RBFOX1: variants seen among roughly 807,000 people sequenced by gnomAD.
RBFOX1 encodes RNA binding fox-1 homolog 1.
Under a neutral mutation model 57.7 loss-of-function variants are expected in RBFOX1, and 8 were observed. The observed-to-expected ratio is 0.14, with a 90% CI of 0.08 to 0.25. RBFOX1 has a LOEUF of 0.25. RBFOX1 is among the 10% of genes least tolerant of loss of function. The pLI is 1.00. For missense variants in RBFOX1, 611 were observed against 548.5 expected, an observed-to-expected ratio of 1.11 and a Z score of -1.14; for synonymous variants, 326 against 222.4, an observed-to-expected ratio of 1.47 and a Z score of -4.15.
chr16:5,720,966 A>C (rs1042903054), intron 3 of RBFOX1, among the ~76,000 whole-genome samples: 64 of 152,310 alleles, frequency 4.2e-4, no homozygotes, highest in African/African-American at 1.5e-3. Flanking sequence ...TTTCAGCCGA[A>C]ATGGCAAGTG....
At chr16:7,189,218 G>T (rs963776665) in intron 4 of RBFOX1, among the ~76,000 whole-genome samples, 1 of 151,862 alleles carries the variant, frequency 6.6e-6, no homozygotes, top group African/African-American at 2.4e-5. Flanking sequence ...GAGGTCAGGC[G>T]ATCGAGACCA....
chr16:5,376,005 A>G (rs1474160452), intron 1 of RBFOX1, among the ~76,000 whole-genome samples: 2 of 151,720 alleles, frequency 1.3e-5, no homozygotes, highest in Non-Finnish European at 1.5e-5. Flanking sequence ...CATCTCTACT[A>G]AAAAATACAA....
At chr16:7,693,694 G>A (rs1291892569) in intron 14 of RBFOX1, among the ~76,000 whole-genome samples, 2 of 152,132 alleles carry the variant, frequency 1.3e-5, no homozygotes, top group Admixed American at 6.5e-5. Context: ...GGAAGATTAG[G>A]TACACAGACG....
intron 1 of RBFOX1, among the ~76,000 whole-genome samples, chr16:6,296,894 G>A (rs2880917): frequency 0.088 from 13,370 of 152,188 alleles, 782 homozygotes; most frequent in African/African-American, 0.17. Context: ...AGTCTGCAGA[G>A]TAAAGTGAAA....
chr16:5,908,340 GTGTGTGTGTGTGTC>G lies in RBFOX1; in HGVS notation c.351+41015_351+41028del, dbSNP rs374412628. On this transcript the variant is annotated intron_variant, in intron 4 of 19. Coordinates refer to the RBFOX1 transcript ENST00000641259. ...CACACACACATATATATATGTGTGT[GTGTGTGTGTGTGTC>G]TGTGTGTGTTTTTTGTAAGACAGAG... is the stretch of plus-strand genomic sequence containing the variant. 4.3e-4 allele frequency among the ~76,000 whole-genome samples: 55 copies of G among 128,216 alleles called. 1 individual carries two copies. Among genetic ancestry groups the G allele is most frequent in the Admixed American group, 3.0e-3 (36 of 11,822 alleles). The allele number at this position is 128,216 out of a possible 152,430, so 84.1% of individuals were successfully genotyped here. A position where few individuals can be genotyped will look rare whatever the true frequency, so the allele number is the denominator to read the frequency against.
At chr16:6,923,000 T>A (rs1027008335) in intron 3 of RBFOX1, among the ~76,000 whole-genome samples, 4 of 152,204 alleles carry the variant, frequency 2.6e-5, no homozygotes, top group Non-Finnish European at 5.9e-5. Context: ...AAACTACTTA[T>A]AAATCTATAG....
chr16:5,705,963 T>A (rs1020330809), intron 3 of RBFOX1, among the ~76,000 whole-genome samples: 1 of 152,156 alleles, frequency 6.6e-6, no homozygotes, highest in Non-Finnish European at 1.5e-5. Context: ...CACGATGGAG[T>A]GCAGTGGTGT....
intron 1 of RBFOX1, among the ~76,000 whole-genome samples, chr16:6,300,544 G>A (rs1256017726): frequency 2.0e-5 from 3 of 152,166 alleles, no homozygotes; most frequent in African/African-American, 7.2e-5. Context: ...AAAGTATTTA[G>A]CGGAGTACTC....
chr16:5,249,758 A>G (rs2062399267), intron 1 of RBFOX1, among the ~76,000 whole-genome samples: 1 of 152,264 alleles, frequency 6.6e-6, no homozygotes, highest in African/African-American at 2.4e-5. Context: ...CAGGAATTCG[A>G]GACCAGCTTG....
At chr16:6,296,431 T>G (rs1333299062) in intron 1 of RBFOX1, among the ~76,000 whole-genome samples, 1 of 151,558 alleles carries the variant, frequency 6.6e-6, no homozygotes, top group Non-Finnish European at 1.5e-5. Flanking sequence ...TACTTTTTTT[T>G]TTTTTTCGAG....
At chr16:5,268,917 ATTT>A (rs149694271) in intron 1 of RBFOX1, among the ~76,000 whole-genome samples, 2 of 145,042 alleles carry the variant, frequency 1.4e-5, no homozygotes, top group South Asian at 2.2e-4. Context: ...TATTTTCTCT[ATTT>A]TTTTTTTTTT....
intron 4 of RBFOX1, among the ~76,000 whole-genome samples, chr16:7,319,790 C>A (rs868552698): frequency 6.6e-6 from 1 of 152,026 alleles, no homozygotes; most frequent in African/African-American, 2.4e-5. Flanking sequence ...CTTTGACTGC[C>A]GGCCCTCCCT....
intron 3 of RBFOX1, among the ~76,000 whole-genome samples, chr16:6,798,716 A>G (rs765778994): frequency 6.6e-6 from 1 of 152,192 alleles, no homozygotes; most frequent in Non-Finnish European, 1.5e-5. Flanking sequence ...TAAAATATTT[A>G]TACACCCAAG....
chr16:6,326,237 A>T (rs1394170029), intron 2 of RBFOX1, among the ~76,000 whole-genome samples: 1 of 152,222 alleles, frequency 6.6e-6, no homozygotes, highest in Non-Finnish European at 1.5e-5. Context: ...ATTCATAAAT[A>T]GCTATGGAAA....
chr16:6,003,888 A>G (rs1033297029), intron 4 of RBFOX1, among the ~76,000 whole-genome samples: 1 of 152,208 alleles, frequency 6.6e-6, no homozygotes, highest in Non-Finnish European at 1.5e-5. Context: ...AGATGTTTTG[A>G]TTTATTAAGA....
rs1373609661 is a variant in RBFOX1, at chr16:7,029,069, TATATATATATATACACACACACAC to T, written c.-15-22986_-15-22963del. Among the ~76,000 whole-genome samples the T allele has an allele frequency of 4.2e-3, 234 of 55,586 alleles. 12 individuals carry two copies. The highest frequency in any genetic ancestry group is 0.023 in the African/African-American group (166 of 7,092). 36.5% of individuals were successfully genotyped at this position (55,586 alleles called of 152,430 possible). A position where few individuals can be genotyped will look rare whatever the true frequency, so the allele number is the denominator to read the frequency against. ...AGCTATATATATATATATATATATA[TATATATATATATACACACACACAC>T]ACACACACACACACACACACACACA... On this transcript the variant is annotated intron_variant, in intron 3 of 15. Coordinates refer to ENST00000550418, the MANE Select transcript of RBFOX1 (RefSeq NM_018723.4).
intron 3 of RBFOX1, among the ~76,000 whole-genome samples, chr16:5,605,481 C>A (rs1023991582): frequency 3.3e-5 from 5 of 151,780 alleles, no homozygotes; most frequent in Non-Finnish European, 5.9e-5. Context: ...TAGGAGGGGA[C>A]AGTGGTGCCA....
chr16:5,463,251 C>T (rs1459593203), intron 1 of RBFOX1, among the ~76,000 whole-genome samples: 1 of 151,762 alleles, frequency 6.6e-6, no homozygotes, highest in Non-Finnish European at 1.5e-5. Context: ...TTTATAAATC[C>T]AACTGACACC....
chr16:6,796,771 G>A (rs937605799), intron 3 of RBFOX1, among the ~76,000 whole-genome samples: 1 of 152,096 alleles, frequency 6.6e-6, no homozygotes, highest in African/African-American at 2.4e-5. Context: ...GCCTACATCT[G>A]CCTTCCAACT....
Sources: gnomAD v4.1 joint callset for allele counts (sites outside exome capture counted in the v4.1 genomes callset) on GRCh38, gnomAD v4.1.1 for gene constraint, MANE v1.5 for transcripts, NCBI Gene and HGNC (gene_info 2026-07-23, HGNC 2026-07-21) for gene names.